The following EDIL3 variants were observed in gnomAD, a reference collection of about 807,000 sequenced individuals.
EDIL3 encodes the protein EGF-like repeat and discoidin I-like domain-containing protein 3.
Under a neutral mutation model 67.4 loss-of-function variants are expected in EDIL3, and 37 were observed. That is an observed-to-expected ratio of 0.55 (90% CI 0.42 to 0.72). The LOEUF (loss-of-function observed/expected upper bound fraction) is 0.72, where lower values mean the gene tolerates loss of function less well. Among genes scored for constraint, EDIL3 ranks in the 30% least tolerant of loss-of-function variants. The probability of loss-of-function intolerance (pLI) is 0.00; values close to 1 mark genes in which losing one functional copy is unlikely to be tolerated. For missense variants in EDIL3, 527 were observed against 586.3 expected, an observed-to-expected ratio of 0.90 and a Z score of 1.04; for synonymous variants, 195 against 196.3, an observed-to-expected ratio of 0.99 and a Z score of 0.05.
intron 9 of EDIL3, among the ~76,000 whole-genome samples, chr5:84,035,604 T>C (rs1369812962): frequency 6.6e-6 from 1 of 152,312 alleles, no homozygotes; most frequent in Non-Finnish European, 1.5e-5. Flanking sequence ...TGTGGGTTAA[T>C]GTAACAAAAG....
At chr5:84,084,738 T>C (rs974409220) in intron 6 of EDIL3, among the ~76,000 whole-genome samples, 31 of 152,148 alleles carry the variant, frequency 2.0e-4, no homozygotes, top group African/African-American at 7.5e-4. Context: ...TCACATGTAT[T>C]CTAGAAAAGA....
chr5:84,382,238 G>A (rs977327692), intron 1 of EDIL3, among the ~76,000 whole-genome samples: 7 of 152,184 alleles, frequency 4.6e-5, no homozygotes, highest in African/African-American at 1.4e-4. Context: ...CCAGCTTCCC[G>A]AGCATTGTCT....
chr5:84,229,383 GCAGA>G (rs771878039), intron 3 of EDIL3, among the ~76,000 whole-genome samples: 14 of 152,056 alleles, frequency 9.2e-5, no homozygotes, highest in South Asian at 2.1e-4. Context: ...AATGAGTGAG[GCAGA>G]CACAGTACCC....
intron 9 of EDIL3, among the ~76,000 whole-genome samples, chr5:83,995,403 T>C (rs904785099): frequency 2.0e-5 from 3 of 152,174 alleles, no homozygotes; most frequent in African/African-American, 7.2e-5. Flanking sequence ...CACATGGTAC[T>C]GGGCATTCAA....
intron 9 of EDIL3, among the ~76,000 whole-genome samples, chr5:83,973,903 T>C (rs925752285): frequency 2.5e-4 from 38 of 152,142 alleles, no homozygotes; most frequent in African/African-American, 7.7e-4. Context: ...CAGAGTAAAG[T>C]ATATTGTAAT....
chr5:84,223,129 T>C (rs924173114), intron 3 of EDIL3, among the ~76,000 whole-genome samples: 4 of 151,772 alleles, frequency 2.6e-5, no homozygotes, highest in Non-Finnish European at 4.4e-5. Context: ...TTTCAATCTA[T>C]TTTGAGTTCA....
In EDIL3 at chr5:84,137,212, CACACACAT is replaced by C. The variant is rs765973790; in HGVS notation, c.469+21_469+28del. On this transcript the variant is annotated intron_variant, in intron 5 of 10. Transcript: ENST00000296591. Reference sequence around the variant, plus strand: ...ACACACACACACACACACACACACACACACACATACACACACGTGAATACTTACTGTAT... The same window carrying C: ...ACACACACACACACACACACACACACACACACACGTGAATACTTACTGTAT... 8.5e-6 allele frequency: 13 copies of C among 1,520,970 alleles called. No individual in the cohort carries two copies. The East Asian group carries it at 1.8e-4, about 21-fold the overall frequency. The allele number at this position is 1,520,970 out of a possible 1,614,324, so 94.2% of individuals were successfully genotyped here. A position where few individuals can be genotyped will look rare whatever the true frequency, so the allele number is the denominator to read the frequency against.
chr5:84,376,428 T>C (rs1747970038), intron 1 of EDIL3, among the ~76,000 whole-genome samples: 1 of 152,124 alleles, frequency 6.6e-6, no homozygotes, highest in African/African-American at 2.4e-5. Context: ...ACCTTGCACC[T>C]AAAAAAGGGA....
chr5:84,029,437 C>T (rs879327732), intron 9 of EDIL3, among the ~76,000 whole-genome samples: 6 of 152,224 alleles, frequency 3.9e-5, no homozygotes, highest in Middle Eastern at 3.4e-3. Context: ...TTGTAAATTG[C>T]TCAGTCTTGA....
chr5:83,954,209 T>C (rs1744468658), intron 10 of EDIL3, among the ~76,000 whole-genome samples: 1 of 151,728 alleles, frequency 6.6e-6, no homozygotes, highest in Non-Finnish European at 1.5e-5. Flanking sequence ...TATCATATAA[T>C]AAACAATCAA....
chr5:84,040,937 G>T (rs1416057461), intron 9 of EDIL3, among the ~76,000 whole-genome samples: 1 of 152,138 alleles, frequency 6.6e-6, no homozygotes, highest in Non-Finnish European at 1.5e-5. Flanking sequence ...TTCGAGACCA[G>T]CCTGGGCAAC....
At chr5:84,207,226 A>G (rs1744001334) in intron 3 of EDIL3, among the ~76,000 whole-genome samples, 1 of 152,196 alleles carries the variant, frequency 6.6e-6, no homozygotes, top group South Asian at 2.1e-4. Context: ...AAGTACAAAA[A>G]TCACAAGCAT....
chr5:84,083,039 C>T (rs1747000931), intron 6 of EDIL3, among the ~76,000 whole-genome samples: 3 of 152,154 alleles, frequency 2.0e-5, no homozygotes, highest in Admixed American at 2.0e-4. Flanking sequence ...ATCCTTCCAG[C>T]TGCTTATACA....
rs1747622188 is a variant in EDIL3 at position 84,114,126 on chromosome 5, G to T, written c.470-7296C>A. On this transcript the variant is annotated intron_variant, in intron 5 of 10. Coordinates refer to ENST00000296591, the MANE Select transcript of EDIL3 (RefSeq NM_005711.5). ...GCTACTCTTTCTCACGCTGTGGCCT[G>T]AGGGTTTAAAGGAACCCTAAAGTTT... 2.0e-5 allele frequency among the ~76,000 whole-genome samples: 3 copies of T among 150,084 alleles called. No homozygotes were observed. In the South Asian group the frequency reaches 6.4e-4, roughly 32 times the overall value.
chr5:84,186,584 TC>T (rs137969294), intron 3 of EDIL3, among the ~76,000 whole-genome samples: 1 of 152,194 alleles, frequency 6.6e-6, no homozygotes, highest in Non-Finnish European at 1.5e-5. Flanking sequence ...ATATAATGGT[TC>T]CTGGAAATTT....
At chr5:84,249,876 C>T (rs1460073157) in intron 2 of EDIL3, among the ~76,000 whole-genome samples, 2 of 151,946 alleles carry the variant, frequency 1.3e-5, no homozygotes, top group Admixed American at 1.3e-4. Context: ...GGTGGATCAC[C>T]TGAGGTCAGG....
intron 1 of EDIL3, among the ~76,000 whole-genome samples, chr5:84,340,057 T>G (rs1747069972): frequency 6.6e-6 from 1 of 152,070 alleles, no homozygotes; most frequent in Admixed American, 6.6e-5. Context: ...CATTCTAGAC[T>G]ATTAGGGGAT....
chr5:83,966,340 C>T (rs1744691183), intron 9 of EDIL3, among the ~76,000 whole-genome samples: 1 of 152,046 alleles, frequency 6.6e-6, no homozygotes, highest in South Asian at 2.1e-4. Context: ...GTTGGGACTC[C>T]TTCTTAAGTA....
At chr5:84,040,746 T>C (rs1014637152) in intron 9 of EDIL3, among the ~76,000 whole-genome samples, 25 of 152,082 alleles carry the variant, frequency 1.6e-4, no homozygotes, top group Admixed American at 6.5e-4. Flanking sequence ...TTTCTTTAAT[T>C]TGGAGTGTCC....
Sources: allele counts gnomAD v4.1 joint callset (sites outside exome capture counted in the v4.1 genomes callset), GRCh38; gene constraint gnomAD v4.1.1; transcripts MANE v1.5; gene names NCBI Gene and HGNC (gene_info 2026-07-23, HGNC 2026-07-21).